Variants in DNER observed in about 807,000 individuals in gnomAD.
DNER encodes the protein delta/notch like EGF repeat containing, also known as delta and Notch-like epidermal growth factor-related receptor.
Under a neutral mutation model 78.2 loss-of-function variants are expected in DNER, and 33 were observed. The ratio of observed to expected loss-of-function variants is 0.42; its 90% CI spans 0.32 to 0.56. The LOEUF (loss-of-function observed/expected upper bound fraction) is 0.56, where lower values mean the gene tolerates loss of function less well. Among genes scored for constraint, DNER ranks in the 20% least tolerant of loss-of-function variants. DNER has a pLI of 0.11. For missense variants in DNER, 918 were observed against 975.3 expected (o/e 0.94, Z 0.78); for synonymous variants, 417 against 384.8 (o/e 1.08, Z -0.98).
chr2:229,397,892 T>C (rs922835371), intron 10 of DNER, among the ~76,000 whole-genome samples: 1 of 152,140 alleles, frequency 6.6e-6, no homozygotes, highest in Admixed American at 6.5e-5. Context: ...GGGAAATTTA[T>C]AGCACTAAAA....
intron 7 of DNER, among the ~76,000 whole-genome samples, chr2:229,463,444 A>T (rs1259799282): frequency 6.6e-6 from 1 of 152,146 alleles, no homozygotes; most frequent in Non-Finnish European, 1.5e-5. Context: ...AGTAGAAAAT[A>T]TATTTATTTA....
intron 1 of DNER, among the ~76,000 whole-genome samples, chr2:229,616,700 A>G (rs1698169971): frequency 6.6e-6 from 1 of 152,226 alleles, no homozygotes; most frequent in Admixed American, 6.5e-5. Flanking sequence ...TCTCAGATCT[A>G]GATCATGTCT....
intron 1 of DNER, among the ~76,000 whole-genome samples, chr2:229,712,924 A>C (rs955020248): frequency 3.9e-5 from 6 of 152,230 alleles, no homozygotes; most frequent in African/African-American, 1.4e-4. Flanking sequence ...TAAATGCAAA[A>C]AAATCTGGCT....
chr2:229,615,715 C>CA (rs202085499), intron 1 of DNER, among the ~76,000 whole-genome samples: 2,164 of 149,422 alleles, frequency 0.014, 34 homozygotes, highest in South Asian at 0.061. Context: ...CTGTCTCAAA[C>CA]AAAAAAAAAG....
chr2:229,699,188 C>T (rs571179791), intron 1 of DNER, among the ~76,000 whole-genome samples: 25 of 151,836 alleles, frequency 1.6e-4, no homozygotes, highest in African/African-American at 2.7e-4. Context: ...AAGGAACACA[C>T]GACAATTATT....
intron 12 of DNER, among the ~76,000 whole-genome samples, chr2:229,363,799 T>C (rs1246655499): frequency 2.6e-5 from 4 of 152,010 alleles, no homozygotes; most frequent in Non-Finnish European, 5.9e-5. Flanking sequence ...AGTTAAACAC[T>C]CCACCACTTG....
At position 229,358,450 on chromosome 2, in the gene DNER, G is replaced by T; in HGVS notation, c.*90C>A. 1 of 1,023,688 alleles carries T rather than the reference G, an allele frequency of 9.8e-7. No individual in the cohort carries two copies. The highest frequency in any genetic ancestry group is 2.3e-5 in the South Asian group (1 of 44,284). 63.4% of individuals were successfully genotyped at this position (1,023,688 alleles called of 1,614,324 possible). A position where few individuals can be genotyped will look rare whatever the true frequency, so the allele number is the denominator to read the frequency against. ...TCTACTGAAAACTCTTGAGCAGCTA[G>T]CATTTTAAATTTCTTAAGCTTTTTA... On this transcript the variant is annotated 3_prime_UTR_variant, in exon 13 of 13. Transcript: ENST00000341772.
intron 11 of DNER, among the ~76,000 whole-genome samples, chr2:229,372,835 G>C (rs565970807): frequency 2.2e-4 from 34 of 152,192 alleles, no homozygotes; most frequent in African/African-American, 6.5e-4. Context: ...GCTGTGTTAG[G>C]GGGGAATCAA....
intron 5 of DNER, among the ~76,000 whole-genome samples, chr2:229,536,836 G>A (rs1482676924): frequency 1.3e-5 from 2 of 152,180 alleles, no homozygotes; most frequent in African/African-American, 2.4e-5. Flanking sequence ...AGTTCCTGGA[G>A]GCGTATGAAG....
intron 11 of DNER, among the ~76,000 whole-genome samples, chr2:229,376,409 C>T (rs1325901492): frequency 1.3e-5 from 2 of 152,180 alleles, no homozygotes; most frequent in Admixed American, 1.3e-4. Context: ...TCTCAGACTT[C>T]TCAGCCTCCA....
chr2:229,378,226 T>G (rs2106331043), intron 11 of DNER, among the ~76,000 whole-genome samples: 1 of 152,300 alleles, frequency 6.6e-6, no homozygotes, highest in African/African-American at 2.4e-5. Context: ...CATTTTGCAC[T>G]TTTGCCTTCC....
chr2:229,668,016 T>C (rs60405027), intron 1 of DNER, among the ~76,000 whole-genome samples: 4,896 of 152,284 alleles, frequency 0.032, 193 homozygotes, highest in African/African-American at 0.092. Flanking sequence ...AGATGTGTTG[T>C]AGCATTCAGA....
At chr2:229,374,795 A>C (rs1189633856) in intron 11 of DNER, among the ~76,000 whole-genome samples, 1 of 152,216 alleles carries the variant, frequency 6.6e-6, no homozygotes, top group East Asian at 1.9e-4. Flanking sequence ...CATTTAAAAA[A>C]AAAAATTTAG....
intron 7 of DNER, among the ~76,000 whole-genome samples, chr2:229,476,515 CA>C (rs945648379): frequency 4.6e-5 from 7 of 152,236 alleles, no homozygotes; most frequent in African/African-American, 1.7e-4. Flanking sequence ...TTCTAAAAAA[CA>C]ATCTAATGTC....
intron 5 of DNER, among the ~76,000 whole-genome samples, chr2:229,529,700 G>A (rs2154212785): frequency 6.6e-6 from 1 of 152,288 alleles, no homozygotes; most frequent in East Asian, 1.9e-4. Context: ...ATGCTAACCA[G>A]AAAGCATGTA....
intron 5 of DNER, among the ~76,000 whole-genome samples, chr2:229,529,181 A>T (rs548476448): frequency 6.6e-6 from 1 of 152,114 alleles, no homozygotes; most frequent in African/African-American, 2.4e-5. Flanking sequence ...GATTCTAGAT[A>T]CCACAACATA....
At chr2:229,701,788 G>A (rs530273758) in intron 1 of DNER, 2 of 154,198 alleles carry the variant, frequency 1.3e-5, no homozygotes, top group Non-Finnish European at 2.9e-5. Context: ...CCATGGCACT[G>A]TGCAGATGGC....
chr2:229,444,007 G>A (rs1694288274), intron 8 of DNER, among the ~76,000 whole-genome samples: 1 of 152,136 alleles, frequency 6.6e-6, no homozygotes, highest in South Asian at 2.1e-4. Context: ...ACGATTACAA[G>A]GCTCTGCTTT....
intron 7 of DNER, among the ~76,000 whole-genome samples, chr2:229,449,974 G>T (rs562912083): frequency 6.6e-6 from 1 of 152,126 alleles, no homozygotes; most frequent in Non-Finnish European, 1.5e-5. Context: ...TTGAGACGGG[G>T]CTTTACCATG....
Sources: allele counts gnomAD v4.1 joint callset (sites outside exome capture counted in the v4.1 genomes callset), GRCh38; gene constraint gnomAD v4.1.1; transcripts MANE v1.5; gene names NCBI Gene and HGNC (gene_info 2026-07-23, HGNC 2026-07-21).